The following VPS54 variants were observed in gnomAD, a reference collection of about 807,000 sequenced individuals.
VPS54 encodes the protein vacuolar protein sorting-associated protein 54.
Under a neutral mutation model 121.5 loss-of-function variants are expected in VPS54, and 45 were observed. The observed-to-expected ratio is 0.37, with a 90% CI of 0.29 to 0.47. The LOEUF (loss-of-function observed/expected upper bound fraction) is 0.47, where lower values mean the gene tolerates loss of function less well. Ranked by LOEUF, VPS54 falls within the 20% of genes least tolerant of loss-of-function variation. The pLI is 0.99. For missense variants in VPS54, 1,090 were observed against 1,131.4 expected, an observed-to-expected ratio of 0.96 and a Z score of 0.52; for synonymous variants, 371 against 385.8, an observed-to-expected ratio of 0.96 and a Z score of 0.45.
At chr2:63,939,246 C>T (rs1006348515) in intron 11 of VPS54, among the ~76,000 whole-genome samples, 7 of 152,014 alleles carry the variant, frequency 4.6e-5, no homozygotes, top group African/African-American at 1.7e-4. Context: ...GTGGCGTGCG[C>T]CTATAATCCC....
chr2:63,922,225 A>T (rs1032708789), intron 12 of VPS54, among the ~76,000 whole-genome samples: 3 of 152,156 alleles, frequency 2.0e-5, no homozygotes, highest in South Asian at 2.1e-4. Context: ...ATTTTTAAAC[A>T]TTTTCCCCCA....
At chr2:63,921,063 T>C (rs1673618592) in intron 13 of VPS54, 143 bp downstream of exon 13, 6 of 780,894 alleles carry the variant, frequency 7.7e-6, no homozygotes, top group Non-Finnish European at 1.1e-5. Context: ...ATCTCCCTAG[T>C]AGACCACATC....
intron 1 of VPS54, among the ~76,000 whole-genome samples, chr2:64,014,840 A>G (rs1340005582): frequency 6.6e-6 from 1 of 152,208 alleles, no homozygotes; most frequent in Non-Finnish European, 1.5e-5. Flanking sequence ...TAACTTGAGT[A>G]ACTTATCCAT....
At chr2:63,928,514 A>G (rs1430756406) in intron 12 of VPS54, among the ~76,000 whole-genome samples, 2 of 152,216 alleles carry the variant, frequency 1.3e-5, no homozygotes, top group Non-Finnish European at 2.9e-5. Context: ...AGGAAGCACT[A>G]AACATGGAAA....
At chr2:63,915,173 A>C (rs1673325266) in intron 16 of VPS54, among the ~76,000 whole-genome samples, 1 of 151,028 alleles carries the variant, frequency 6.6e-6, no homozygotes. Flanking sequence ...AAAAAAAAAA[A>C]AAAAAGTTTT....
intron 20 of VPS54, among the ~76,000 whole-genome samples, chr2:63,910,732 T>C (rs1210718028): frequency 6.6e-6 from 1 of 152,240 alleles, no homozygotes; most frequent in Non-Finnish European, 1.5e-5. Flanking sequence ...ATTCTCTTTT[T>C]TCTTTACAGA....
chr2:63,912,519 A>G (rs751889972), intron 19 of VPS54, 21 bp downstream of exon 19: 6 of 1,612,274 alleles, frequency 3.7e-6, no homozygotes, highest in South Asian at 2.2e-5. Context: ...AAACGCCAAT[A>G]GAAAATATAT....
At chr2:63,913,106 T>G in intron 18 of VPS54, 117 bp downstream of exon 18, 1 of 791,078 alleles carries the variant, frequency 1.3e-6, no homozygotes, top group Non-Finnish European at 1.9e-6. Flanking sequence ...GCATTTATTT[T>G]TAGAGTAATG....
At chr2:64,006,026 A>T (rs904470479) in intron 1 of VPS54, among the ~76,000 whole-genome samples, 1 of 152,210 alleles carries the variant, frequency 6.6e-6, no homozygotes, top group Non-Finnish European at 1.5e-5. Flanking sequence ...CAGTCATTTT[A>T]AAAAGGTGGG....
chr2:63,947,674 G>A (rs1023381441), intron 8 of VPS54, among the ~76,000 whole-genome samples, 184 bp from the exon 9 acceptor site: 11 of 152,114 alleles, frequency 7.2e-5, no homozygotes, highest in East Asian at 1.9e-4. Flanking sequence ...AGTCAGTGCT[G>A]TAAAACAGAT....
intron 21 of VPS54, among the ~76,000 whole-genome samples, chr2:63,897,881 T>C (rs1046951625): frequency 3.9e-5 from 6 of 152,120 alleles, no homozygotes; most frequent in Non-Finnish European, 5.9e-5. Flanking sequence ...TTTTGTAACA[T>C]AGTAAGTAGG....
chr2:64,018,404 C>T (rs1489069426), intron 1 of VPS54, among the ~76,000 whole-genome samples: 1 of 152,194 alleles, frequency 6.6e-6, no homozygotes, highest in Non-Finnish European at 1.5e-5. Context: ...CCTGCCCTTT[C>T]TGTCTATGCA....
In VPS54 at chr2:63,953,150, T is replaced by TTA. The variant is rs1172067614; in HGVS notation, c.1011-3988_1011-3987insTA. Among the ~76,000 whole-genome samples the TTA allele has an allele frequency of 1.1e-4, 16 of 148,516 alleles. No individual in the cohort carries two copies. The South Asian group carries it at 3.0e-3, about 28-fold the overall frequency. ...AATTTTTTTTTTTTTTTTTTTTTTT[T>TTA]AGACAGAGTCTCCCTCTGTTGCCTA... On this transcript the variant is annotated intron_variant, in intron 7 of 22. Transcript: ENST00000272322.
At chr2:63,918,756 C>A (rs1373875682) in intron 15 of VPS54, among the ~76,000 whole-genome samples, 2 of 151,944 alleles carry the variant, frequency 1.3e-5, no homozygotes, top group African/African-American at 4.8e-5. Context: ...CCCTGTAAAT[C>A]ACCCTCTCTC....
rs1672500479 is a variant in VPS54, at chr2:63,897,608, C to G, written c.2734-18G>C. The G allele has an allele frequency of 7.2e-7, 1 of 1,395,442 alleles. No individual in the cohort carries two copies. The highest frequency in any genetic ancestry group is 1.0e-6 in the Non-Finnish European group (1 of 1,004,372). The allele number at this position is 1,395,442 out of a possible 1,614,324, so 86.4% of individuals were successfully genotyped here. Reference sequence around the variant, plus strand: ...AATAACATCTGAAAAAGAAATAAAACTAAGTTTCTTAAAGTTCTACTGAAA... The same window carrying G: ...AATAACATCTGAAAAAGAAATAAAAGTAAGTTTCTTAAAGTTCTACTGAAA... On this transcript the variant is annotated intron_variant, in intron 21 of 22. Coordinates refer to ENST00000272322, the MANE Select transcript of VPS54 (RefSeq NM_016516.3).
intron 8 of VPS54, among the ~76,000 whole-genome samples, chr2:63,948,588 A>G (rs894021458): frequency 1.3e-5 from 2 of 151,284 alleles, no homozygotes; most frequent in South Asian, 2.1e-4. Flanking sequence ...TTTCGTAGAG[A>G]TGGAGTCTCC....
At chr2:63,986,435 A>G (rs954757169) in intron 1 of VPS54, among the ~76,000 whole-genome samples, 1 of 152,214 alleles carries the variant, frequency 6.6e-6, no homozygotes, top group Non-Finnish European at 1.5e-5. Context: ...GCAAATGACA[A>G]GATCTCATCC....
intron 12 of VPS54, among the ~76,000 whole-genome samples, chr2:63,925,763 CAT>C (rs1195143448): frequency 1.3e-5 from 2 of 152,136 alleles, no homozygotes; most frequent in African/African-American, 2.4e-5. Flanking sequence ...ATTCCATTAA[CAT>C]AAAGTTTAAA....
At chr2:63,942,321 ATTTAAAAACAAGCCTC>A (rs1373462512) in intron 11 of VPS54, 128 bp downstream of exon 11, 1 of 522,532 alleles carries the variant, frequency 1.9e-6, no homozygotes. Flanking sequence ...CTAAATTTTT[ATTTAAAAACAAGCCTC>A]TTTAGAAAAA....
Sources: allele counts gnomAD v4.1 joint callset (sites outside exome capture counted in the v4.1 genomes callset), GRCh38; gene constraint gnomAD v4.1.1; transcripts MANE v1.5; gene names NCBI Gene and HGNC (gene_info 2026-07-23, HGNC 2026-07-21).